The following LGSN variants were observed in gnomAD, a reference collection of about 807,000 sequenced individuals.
LGSN encodes the protein lengsin, lens protein with glutamine synthetase domain.
LGSN carries 21 observed loss-of-function variants against 19.5 expected under a neutral mutation model. The ratio of observed to expected loss-of-function variants is 1.07; its 90% CI spans 0.76 to 1.55. LGSN has a LOEUF of 1.55. Among genes scored for constraint, LGSN ranks in the 40% most tolerant of loss-of-function variants. The pLI, the probability that LGSN is intolerant of heterozygous loss-of-function variation, is 0.00. For synonymous variants in LGSN, 257 were observed against 215.6 expected (o/e 1.19, Z -1.68); for missense variants, 673 against 608.5 (o/e 1.11, Z -1.12).
At chr6:63,553,498 A>G in the LGSN span, among the ~76,000 whole-genome samples, 6 of 152,222 alleles carry the variant, frequency 3.9e-5, no homozygotes, top group African/African-American at 1.2e-4. Flanking sequence ...AGACAGGTTA[A>G]TGAAAGCCAG....
chr6:63,368,457 A>G, the LGSN span, among the ~76,000 whole-genome samples: 1 of 152,196 alleles, frequency 6.6e-6, no homozygotes, highest in African/African-American at 2.4e-5. Flanking sequence ...AGAGAATGCC[A>G]GGCTCTGCAC....
intron 2 of LGSN, among the ~76,000 whole-genome samples, chr6:63,292,836 T>C (rs907494418): frequency 1.3e-5 from 2 of 152,188 alleles, no homozygotes; most frequent in Admixed American, 1.3e-4. Flanking sequence ...GTTCAGTAAG[T>C]CTTTCCAGCA....
At chr6:63,372,076 G>A in the LGSN span, among the ~76,000 whole-genome samples, 3 of 152,244 alleles carry the variant, frequency 2.0e-5, no homozygotes, top group African/African-American at 7.2e-5. Flanking sequence ...GTCTCATGAA[G>A]GTAAATAGGC....
the LGSN span, among the ~76,000 whole-genome samples, chr6:63,417,496 C>A: frequency 1.3e-5 from 2 of 152,080 alleles, no homozygotes; most frequent in Admixed American, 6.5e-5. Context: ...CACTTTTTAC[C>A]CTTTCAGTTA....
chr6:63,323,051 T>G (rs1769123140), upstream of LGSN, among the ~76,000 whole-genome samples: 1 of 152,238 alleles, frequency 6.6e-6, no homozygotes, highest in Admixed American at 6.5e-5. Context: ...GCATTTTCAA[T>G]GATTTTCACA....
At chr6:63,310,777 A>G (rs141906642) in intron 1 of LGSN, among the ~76,000 whole-genome samples, 1 of 152,302 alleles carries the variant, frequency 6.6e-6, no homozygotes, top group Non-Finnish European at 1.5e-5. Context: ...AAGGAGCCAA[A>G]TCAGTGCTGT....
At chr6:63,409,721 T>C in the LGSN span, among the ~76,000 whole-genome samples, 2,654 of 152,316 alleles carry the variant, frequency 0.017, 32 homozygotes, top group Non-Finnish European at 0.022. Flanking sequence ...ATTTGGGTCA[T>C]GTTAAATATT....
intron 1 of LGSN, among the ~76,000 whole-genome samples, chr6:63,316,988 G>C (rs1268156437): frequency 6.6e-6 from 1 of 152,016 alleles, no homozygotes; most frequent in Non-Finnish European, 1.5e-5. Flanking sequence ...AATAGTTCTA[G>C]TCATTGTGCC....
At chr6:63,351,834 A>G in the LGSN span, among the ~76,000 whole-genome samples, 1 of 152,180 alleles carries the variant, frequency 6.6e-6, no homozygotes, top group Non-Finnish European at 1.5e-5. Context: ...TTACATGGAG[A>G]CTAATAATTT....
At chr6:63,320,498 A>G (rs1240128062), upstream of LGSN, among the ~76,000 whole-genome samples, 1 of 152,128 alleles carries the variant, frequency 6.6e-6, no homozygotes, top group East Asian at 1.9e-4. Flanking sequence ...AAACTGAAAT[A>G]TCTTTCTTTA....
the LGSN span, among the ~76,000 whole-genome samples, chr6:63,459,970 T>C: frequency 6.6e-6 from 1 of 152,096 alleles, no homozygotes; most frequent in Non-Finnish European, 1.5e-5. Flanking sequence ...AGGAATTTGA[T>C]GACCAACTTC....
At chr6:63,496,183 G>A in the LGSN span, among the ~76,000 whole-genome samples, 8 of 152,082 alleles carry the variant, frequency 5.3e-5, no homozygotes, top group African/African-American at 7.2e-5. Flanking sequence ...CCTTGGCCTC[G>A]CAAAGTGCTG....
chr6:63,382,735 G>T, the LGSN span, among the ~76,000 whole-genome samples: 2 of 152,106 alleles, frequency 1.3e-5, no homozygotes, highest in African/African-American at 4.8e-5. Context: ...GCTCACCTTT[G>T]ATCTCTGGAC....
At chr6:63,534,379 A>G in the LGSN span, among the ~76,000 whole-genome samples, 2 of 151,962 alleles carry the variant, frequency 1.3e-5, no homozygotes, top group African/African-American at 4.8e-5. Context: ...TTGAATACAG[A>G]ACTAGTAAAC....
Position 63,278,075 on chromosome 6 carries a change from C to CA in LGSN, c.*1945_*1946insT, listed in dbSNP as rs1358927878. The CA allele has an allele frequency of 1.5e-4, 21 of 142,202 alleles. No individual in the cohort carries two copies. The highest frequency in any genetic ancestry group is 5.7e-4 in the African/African-American group (21 of 37,056). 8.8% of individuals were successfully genotyped at this position (142,202 alleles called of 1,614,324 possible). On this transcript the variant is annotated 3_prime_UTR_variant, in exon 4 of 4. Coordinates refer to ENST00000370657, the MANE Select transcript of LGSN (RefSeq NM_016571.3). ...TGGGTGACAAAGCGAGACTCCATCT[C>CA]GGAAAAAAAAAAAAAATACAAGAAA... is the stretch of plus-strand genomic sequence containing the variant.
At chr6:63,409,253 G>A in the LGSN span, among the ~76,000 whole-genome samples, 1 of 152,092 alleles carries the variant, frequency 6.6e-6, no homozygotes, top group Non-Finnish European at 1.5e-5. Flanking sequence ...GAAACACTTA[G>A]GGATATATCT....
chr6:63,514,862 A>G, the LGSN span, among the ~76,000 whole-genome samples: 1 of 151,738 alleles, frequency 6.6e-6, no homozygotes, highest in African/African-American at 2.4e-5. Context: ...CACCACACCA[A>G]GCTAATTTTT....
chr6:63,309,170 C>T (rs1163285175), intron 1 of LGSN, among the ~76,000 whole-genome samples: 1 of 152,152 alleles, frequency 6.6e-6, no homozygotes, highest in Admixed American at 6.5e-5. Context: ...CGGTGGCTCA[C>T]GTCTGTAATC....
chr6:63,451,524 A>G, the LGSN span, among the ~76,000 whole-genome samples: 7 of 152,184 alleles, frequency 4.6e-5, no homozygotes, highest in African/African-American at 7.2e-5. Context: ...TGTAGCTCTC[A>G]CTTGTAAGTG....
Sources: allele counts gnomAD v4.1 joint callset (sites outside exome capture counted in the v4.1 genomes callset), GRCh38; gene constraint gnomAD v4.1.1; transcripts MANE v1.5; gene names NCBI Gene and HGNC (gene_info 2026-07-23, HGNC 2026-07-21).